CLPB: variants seen among roughly 807,000 people sequenced by gnomAD.
The protein encoded by CLPB is ClpB family mitochondrial disaggregase.
In CLPB, 40 loss-of-function variants were observed where a neutral mutation model predicts 78.4. That is an observed-to-expected ratio of 0.51 (90% confidence interval 0.40 to 0.66). The LOEUF is 0.66. Ranked by LOEUF, CLPB falls within the 30% of genes least tolerant of loss-of-function variation. The pLI, the probability that CLPB is intolerant of heterozygous loss-of-function variation, is 0.00. For missense variants in CLPB, 780 were observed against 886.9 expected, an observed-to-expected ratio of 0.88 and a Z score of 1.53; for synonymous variants, 333 against 348.0, an observed-to-expected ratio of 0.96 and a Z score of 0.48.
intron 2 of CLPB, among the ~76,000 whole-genome samples, chr11:72,420,878 A>G (rs989208981): frequency 6.6e-6 from 1 of 152,160 alleles, no homozygotes; most frequent in Non-Finnish European, 1.5e-5. Context: ...GGGTCTACCC[A>G]GCAGAACGCA....
chr11:72,375,383 C>T (rs1055784414), intron 4 of CLPB, among the ~76,000 whole-genome samples: 4 of 152,126 alleles, frequency 2.6e-5, no homozygotes, highest in African/African-American at 9.7e-5. Flanking sequence ...CTTCACTCTC[C>T]GGCCTTATTT....
intron 2 of CLPB, among the ~76,000 whole-genome samples, chr11:72,425,418 T>G (rs1433361697): frequency 4.6e-5 from 7 of 152,096 alleles, no homozygotes; most frequent in Non-Finnish European, 8.8e-5. Flanking sequence ...CTCTGTGGGG[T>G]TAGTTATTAT....
intron 2 of CLPB, among the ~76,000 whole-genome samples, chr11:72,422,286 A>C (rs1856232385): frequency 6.6e-6 from 1 of 151,346 alleles, no homozygotes; most frequent in Non-Finnish European, 1.5e-5. Context: ...AAAAAAAAAA[A>C]AAAAACTAGG....
intron 4 of CLPB, among the ~76,000 whole-genome samples, chr11:72,374,829 C>T (rs1262361090): frequency 6.6e-6 from 1 of 152,172 alleles, no homozygotes; most frequent in Non-Finnish European, 1.5e-5. Context: ...AAGGACTTGT[C>T]CTCCTACCAC....
intron 4 of CLPB, among the ~76,000 whole-genome samples, chr11:72,374,618 C>T (rs989175761): frequency 6.6e-6 from 1 of 152,222 alleles, no homozygotes; most frequent in African/African-American, 2.4e-5. Flanking sequence ...CAAATGCTCA[C>T]ATGACATGGG....
chr11:72,346,798 T>C (rs1950523197), intron 5 of CLPB, among the ~76,000 whole-genome samples: 2 of 151,654 alleles, frequency 1.3e-5, no homozygotes, highest in Non-Finnish European at 2.9e-5. Flanking sequence ...GCCAACATGG[T>C]GAAACCCCGT....
At chr11:72,311,640 A>G (rs143437298) in intron 7 of CLPB, among the ~76,000 whole-genome samples, 1 of 152,266 alleles carries the variant, frequency 6.6e-6, no homozygotes, top group Non-Finnish European at 1.5e-5. Context: ...GCACCTCCTC[A>G]CACCCTGACT....
chr11:72,389,478 G>T (rs1323591682), intron 3 of CLPB, among the ~76,000 whole-genome samples: 1 of 152,204 alleles, frequency 6.6e-6, no homozygotes, highest in Non-Finnish European at 1.5e-5. Context: ...TACCACATGG[G>T]CTGTGGTATA....
rs548808364 is a variant in CLPB, at chr11:72,318,398, G to A, written c.874-1178C>T. 2.6e-5 allele frequency among the ~76,000 whole-genome samples: 4 copies of A among 152,312 alleles called. No individual in the cohort carries two copies. In the East Asian group the frequency reaches 7.7e-4, roughly 29 times the overall value. Reference sequence around the variant, plus strand: ...GGACTGTCTGGAGAACAGGCAAGGAGGGGTGAGGGCAGGGACCTGATGGTA... The same window carrying A: ...GGACTGTCTGGAGAACAGGCAAGGAAGGGTGAGGGCAGGGACCTGATGGTA... On this transcript the variant is annotated intron_variant, in intron 6 of 15. Coordinates refer to ENST00000538039, the MANE Select transcript of CLPB (RefSeq NM_001258392.3).
Position 72,312,664 on chromosome 11 carries a change from A to T in CLPB, c.989-4060T>A, listed in dbSNP as rs1265238007. Among the ~76,000 whole-genome samples, 1 of 152,236 alleles carries T rather than the reference A, an allele frequency of 6.6e-6. No individual in the cohort carries two copies. The highest frequency in any genetic ancestry group is 1.5e-5 in the Non-Finnish European group (1 of 68,034). ...AGTAAGGCCTAGACTTGAGTCTCTT[A>T]GTGCCCCAGGTAGTTACTACCACTC... On this transcript the variant is annotated intron_variant, in intron 7 of 15. Coordinates refer to ENST00000538039, the MANE Select transcript of CLPB (RefSeq NM_001258392.3). This position sits in a 1 kb window ranked among gnomAD's most constrained non-coding sequence, Gnocchi z 4.2.
chr11:72,335,546 C>T (rs1950305029), intron 5 of CLPB, among the ~76,000 whole-genome samples: 1 of 152,168 alleles, frequency 6.6e-6, no homozygotes, highest in South Asian at 2.1e-4. Flanking sequence ...CTGAAAACAC[C>T]TGTTCATCTT....
intron 6 of CLPB, among the ~76,000 whole-genome samples, chr11:72,322,571 T>A (rs1483821298): frequency 6.6e-6 from 1 of 152,210 alleles, no homozygotes; most frequent in Admixed American, 6.5e-5. Flanking sequence ...GGAAAAATAC[T>A]TGATATGTAT....
chr11:72,366,697 A>G (rs545281011), intron 4 of CLPB, among the ~76,000 whole-genome samples: 4 of 152,324 alleles, frequency 2.6e-5, no homozygotes, highest in African/African-American at 7.2e-5. Flanking sequence ...TCAAACCCAC[A>G]ATGAGATACC....
rs931575748 is a variant in CLPB, at chr11:72,287,895, T to C, written c.*5472A>G. 1 of 152,170 alleles carries C rather than the reference T, an allele frequency of 6.6e-6. No homozygotes were observed. The highest frequency in any genetic ancestry group is 2.4e-5 in the African/African-American group (1 of 41,424). 9.4% of individuals were successfully genotyped at this position (152,170 alleles called of 1,614,324 possible). A position where few individuals can be genotyped will look rare whatever the true frequency, so the allele number is the denominator to read the frequency against. ...AATTTTTTTGGCTCCTTTCCCCTTT[T>C]ATCAGGCTCAGGAGGTTTTATCTAT... is the stretch of plus-strand genomic sequence containing the variant. On this transcript the variant is annotated 3_prime_UTR_variant, in exon 16 of 16. Coordinates refer to ENST00000538039, the MANE Select transcript of CLPB (RefSeq NM_001258392.3).
At chr11:72,349,819 T>A (rs1233602220) in intron 5 of CLPB, among the ~76,000 whole-genome samples, 3 of 152,208 alleles carry the variant, frequency 2.0e-5, no homozygotes, top group Admixed American at 6.5e-5. Flanking sequence ...GTTTCCAGGC[T>A]CAGTGCAGGT....
intron 2 of CLPB, among the ~76,000 whole-genome samples, chr11:72,418,358 T>G (rs1856086878): frequency 6.6e-6 from 1 of 152,114 alleles, no homozygotes; most frequent in Non-Finnish European, 1.5e-5. Context: ...AAGAGAAAAG[T>G]GAAGAGATGA....
intron 3 of CLPB, among the ~76,000 whole-genome samples, chr11:72,400,240 C>T (rs1018657969): frequency 2.0e-5 from 3 of 152,038 alleles, no homozygotes; most frequent in Non-Finnish European, 4.4e-5. Context: ...AAAAATTCTG[C>T]GATATGAATA....
Position 72,364,247 on chromosome 11 carries a change from G to A in CLPB, c.647-5239C>T, listed in dbSNP as rs147965513. On this transcript the variant is annotated intron_variant, in intron 4 of 15. Transcript: ENST00000538039. ...TCACTCTTGATGCCCAGGCTAGAGT[G>A]CAATGGCATGATCTCGGCTCACTGC... 1.9e-3 allele frequency among the ~76,000 whole-genome samples: 293 copies of A among 152,282 alleles called. 1 individual carries two copies. The highest frequency in any genetic ancestry group is 6.7e-3 in the African/African-American group (278 of 41,562).
At chr11:72,301,160 C>T (rs771477300) in intron 11 of CLPB, among the ~76,000 whole-genome samples, 4 of 152,162 alleles carry the variant, frequency 2.6e-5, no homozygotes, top group Non-Finnish European at 4.4e-5. Flanking sequence ...TAGTACAGGT[C>T]TAGTACACAG....
Sources: gnomAD v4.1 joint callset for allele counts (sites outside exome capture counted in the v4.1 genomes callset) on GRCh38, gnomAD v4.1.1 for gene constraint, Gnocchi (gnomAD v3.1) non-coding constraint, MANE v1.5 for transcripts, NCBI Gene and HGNC (gene_info 2026-07-23, HGNC 2026-07-21) for gene names.